The following GDAP1 variants were observed in gnomAD, a reference collection of about 807,000 sequenced individuals.
GDAP1 encodes the protein ganglioside induced differentiation associated protein 1.
A neutral mutation model predicts 40.1 loss-of-function variants in GDAP1; 34 were observed. That is an observed-to-expected ratio of 0.85 (90% CI 0.64 to 1.13). The LOEUF (loss-of-function observed/expected upper bound fraction) is 1.13. Among genes scored for constraint, GDAP1 ranks in the 50% most tolerant of loss-of-function variants. The probability of loss-of-function intolerance (pLI) is 0.00; values close to 1 mark genes in which losing one functional copy is unlikely to be tolerated. For missense variants in GDAP1, 374 were observed against 433.7 expected, an observed-to-expected ratio of 0.86 and a Z score of 1.22; for synonymous variants, 170 against 157.4, an observed-to-expected ratio of 1.08 and a Z score of -0.60.
chr8:74,447,498 A>G (rs1586838080), intron 2 of GDAP1, among the ~76,000 whole-genome samples: 1 of 152,126 alleles, frequency 6.6e-6, no homozygotes, highest in Non-Finnish European at 1.5e-5. Context: ...CAAGTGGAAA[A>G]TATCATACCT....
intron 2 of GDAP1, among the ~76,000 whole-genome samples, chr8:74,442,676 TC>T (rs1219693874): frequency 6.6e-6 from 1 of 152,112 alleles, no homozygotes; most frequent in Non-Finnish European, 1.5e-5. Context: ...ATGACTGAAG[TC>T]TTTAAGTTTG....
chr8:74,390,371 G>C (rs1438492136), intron 2 of GDAP1, among the ~76,000 whole-genome samples: 3 of 152,034 alleles, frequency 2.0e-5, no homozygotes, highest in African/African-American at 7.3e-5. Context: ...GTTTTTGTGT[G>C]GATGTCCTTT....
chr8:74,479,114 C>T (rs763096150), intron 2 of GDAP1, among the ~76,000 whole-genome samples: 16 of 152,074 alleles, frequency 1.1e-4, no homozygotes, highest in African/African-American at 2.4e-5. Context: ...AGTTAAATGC[C>T]GAAATTTTTT....
chr8:74,431,303 T>C (rs1229078563), intron 2 of GDAP1, among the ~76,000 whole-genome samples: 9 of 152,032 alleles, frequency 5.9e-5, no homozygotes, highest in Admixed American at 5.2e-4. Context: ...AAATGAGATA[T>C]ATACTGAAGA....
intron 4 of GDAP1, 139 bp downstream of exon 4, chr8:74,362,117 TCTC>T: frequency 1.5e-6 from 1 of 677,278 alleles, no homozygotes; most frequent in East Asian, 2.7e-5. Flanking sequence ...TGGCTTATGT[TCTC>T]CTTTTAGAAA....
At chr8:74,356,739 G>A (rs1285642119) in intron 2 of GDAP1, among the ~76,000 whole-genome samples, 3 of 104,788 alleles carry the variant, frequency 2.9e-5, no homozygotes, top group African/African-American at 1.1e-4. Context: ...TTTTTGAGAC[G>A]GAGTCTCGCT....
chr8:74,396,121 C>A (rs1810194774), intron 2 of GDAP1, among the ~76,000 whole-genome samples: 1 of 151,968 alleles, frequency 6.6e-6, no homozygotes, highest in Non-Finnish European at 1.5e-5. Flanking sequence ...AGGAGTTCTA[C>A]AATAGAAACA....
chr8:74,468,666 T>C (rs1032316471), intron 2 of GDAP1, among the ~76,000 whole-genome samples: 9 of 152,202 alleles, frequency 5.9e-5, no homozygotes, highest in Non-Finnish European at 1.5e-5. Flanking sequence ...CCTGCTAATT[T>C]ACTCAATTCT....
intron 2 of GDAP1, among the ~76,000 whole-genome samples, chr8:74,378,293 C>T (rs1298786182): frequency 1.3e-5 from 2 of 152,168 alleles, no homozygotes; most frequent in Admixed American, 1.3e-4. Context: ...GGTGACCCCA[C>T]ATGTAGGTTA....
At chr8:74,452,042 C>T (rs149089751) in intron 2 of GDAP1, among the ~76,000 whole-genome samples, 10,339 of 80,606 alleles carry the variant, frequency 0.13, 4,020 homozygotes, top group Non-Finnish European at 0.17. Context: ...CTCTGCCTCC[C>T]GGGTTCACGC....
intron 2 of GDAP1, among the ~76,000 whole-genome samples, chr8:74,431,749 G>A (rs1806029422): frequency 1.3e-5 from 2 of 152,038 alleles, no homozygotes; most frequent in Non-Finnish European, 2.9e-5. Flanking sequence ...CCAAAGTGCT[G>A]GAATTACAGG....
chr8:74,446,602 G>A (rs1806232225), intron 2 of GDAP1, among the ~76,000 whole-genome samples: 4 of 152,114 alleles, frequency 2.6e-5, no homozygotes, highest in Non-Finnish European at 5.9e-5. Context: ...TTTTGGAATA[G>A]TTTTTAAAAA....
At chr8:74,475,159 T>C (rs540966772) in intron 2 of GDAP1, among the ~76,000 whole-genome samples, 1 of 152,266 alleles carries the variant, frequency 6.6e-6, no homozygotes, top group African/African-American at 2.4e-5. Flanking sequence ...TTTATTTTGA[T>C]CTTCTTGCTT....
intron 2 of GDAP1, among the ~76,000 whole-genome samples, chr8:74,463,714 A>G (rs1806432494): frequency 6.6e-6 from 1 of 152,272 alleles, no homozygotes; most frequent in African/African-American, 2.4e-5. Flanking sequence ...AGACATAGGT[A>G]GAGAAACTAA....
chr8:74,423,473 AT>A (rs1805908251), intron 2 of GDAP1, among the ~76,000 whole-genome samples: 1 of 149,956 alleles, frequency 6.7e-6, no homozygotes, highest in Non-Finnish European at 1.5e-5. Context: ...TTTTACACAG[AT>A]TGGGTGTTCA....
chr8:74,424,070 C>A (rs1805916950), intron 2 of GDAP1, among the ~76,000 whole-genome samples: 1 of 152,042 alleles, frequency 6.6e-6, no homozygotes, highest in African/African-American at 2.4e-5. Flanking sequence ...CTGGTGGATA[C>A]CAAAATCTTT....
chr8:74,411,402 AATGTT>A (rs1287447314), intron 2 of GDAP1, among the ~76,000 whole-genome samples: 1 of 149,838 alleles, frequency 6.7e-6, no homozygotes, highest in East Asian at 1.9e-4. Flanking sequence ...AGGCAATCTG[AATGTT>A]ATGTTATGAG....
chr8:74,379,049 C>T (rs1029910065), intron 2 of GDAP1, among the ~76,000 whole-genome samples: 6 of 147,754 alleles, frequency 4.1e-5, no homozygotes, highest in Admixed American at 2.0e-4. Context: ...TGGACTCTTA[C>T]AGGGAGGGTT....
At chr8:74,464,271 G>A (rs1231293981) in intron 2 of GDAP1, among the ~76,000 whole-genome samples, 2 of 152,202 alleles carry the variant, frequency 1.3e-5, no homozygotes, top group Admixed American at 6.5e-5. Context: ...CAATAGGGGA[G>A]TGTCAAATTC....
Sources: allele counts gnomAD v4.1 joint callset (sites outside exome capture counted in the v4.1 genomes callset), GRCh38; gene constraint gnomAD v4.1.1; transcripts MANE v1.5; gene names NCBI Gene and HGNC (gene_info 2026-07-23, HGNC 2026-07-21).